ACTR5: variants seen among roughly 807,000 people sequenced by gnomAD.
ACTR5 encodes the protein actin related protein 5, also known as actin-related protein 5.
In ACTR5, 43 loss-of-function variants were observed where a neutral mutation model predicts 61.2. The observed-to-expected ratio is 0.70, with a 90% confidence interval of 0.55 to 0.91. The LOEUF (loss-of-function observed/expected upper bound fraction) is 0.91, where lower values mean the gene tolerates loss of function less well. Ranked by LOEUF, ACTR5 falls within the 40% of genes least tolerant of loss-of-function variation. ACTR5 has a pLI of 0.00. For missense variants in ACTR5, 798 were observed against 782.2 expected, an observed-to-expected ratio of 1.02 and a Z score of -0.24; for synonymous variants, 333 against 310.5, an observed-to-expected ratio of 1.07 and a Z score of -0.76.
At chr20:38,752,029 T>C (rs1179424466) in intron 2 of ACTR5, 102 bp from the exon 3 acceptor site, 4 of 1,311,882 alleles carry the variant, frequency 3.0e-6, no homozygotes, top group Non-Finnish European at 4.2e-6. Flanking sequence ...CCTGCTGGTC[T>C]GTTTCTTCTT....
chr20:38,762,450 C>A (rs1393724731), intron 5 of ACTR5, among the ~76,000 whole-genome samples: 1 of 152,254 alleles, frequency 6.6e-6, no homozygotes, highest in Non-Finnish European at 1.5e-5. Flanking sequence ...CAGTCCCCCA[C>A]TGAGACTCAA....
intron 8 of ACTR5, among the ~76,000 whole-genome samples, chr20:38,768,541 G>C (rs1329597577): frequency 6.6e-6 from 1 of 152,200 alleles, no homozygotes; most frequent in Non-Finnish European, 1.5e-5. Context: ...AGCACATTAA[G>C]TGTTGCCAAC....
At chr20:38,771,418 G>A in intron 8 of ACTR5, 141 bp from the exon 9 acceptor site, 3 of 1,068,228 alleles carry the variant, frequency 2.8e-6, no homozygotes, top group Non-Finnish European at 4.0e-6. Flanking sequence ...TGTGGAGCTA[G>A]CCCCGAACTG....
intron 5 of ACTR5, among the ~76,000 whole-genome samples, chr20:38,760,355 C>T (rs547246410): frequency 5.3e-5 from 8 of 152,124 alleles, no homozygotes; most frequent in Non-Finnish European, 1.0e-4. Context: ...TTCAGACATT[C>T]GGAGCCTTCC....
chr20:38,757,504 A>G (rs531349087), intron 5 of ACTR5, among the ~76,000 whole-genome samples: 1 of 152,148 alleles, frequency 6.6e-6, no homozygotes, highest in African/African-American at 2.4e-5. Context: ...TTTTTAAATC[A>G]GCTTTCATTA....
chr20:38,750,803 T>C (rs1452956496), intron 2 of ACTR5, among the ~76,000 whole-genome samples: 1 of 152,002 alleles, frequency 6.6e-6, no homozygotes, highest in South Asian at 2.1e-4. Context: ...TAATTTTTTT[T>C]ATATTTTTAG....
Position 38,752,761 on chromosome 20 carries a change from A to G in ACTR5, c.775+461A>G, listed in dbSNP as rs567302428. On this transcript the variant is annotated intron_variant, in intron 3 of 8. Coordinates refer to ENST00000243903, the MANE Select transcript of ACTR5 (RefSeq NM_024855.4). ...ATTGTCACATGAATGTGATGAAAATATCTTCCTCGTGAATTTAAATAGTTC... is the reference window on the plus strand; with the variant it reads ...ATTGTCACATGAATGTGATGAAAATGTCTTCCTCGTGAATTTAAATAGTTC... 2.0e-5 allele frequency among the ~76,000 whole-genome samples: 3 copies of G among 152,372 alleles called. No homozygotes were observed. In the East Asian group the frequency reaches 5.8e-4, roughly 29 times the overall value.
Position 38,771,575 on chromosome 20 carries a change from A to G in ACTR5, c.1583A>G (p.Asn528Ser), listed in dbSNP as rs555170983. The change falls in exon 9 of 9, where the codon AAC (asparagine) becomes AGC (serine). Residue 528 changes from asparagine to serine, a missense_variant. Transcript: ENST00000243903. ...GTGTTTCAGGTTCAACTTGCCTCGA[A>G]CCCTGTGCTGGATGCCTGGTACGGT... ...RSSFQVQLAS[N>S]PVLDAWYGAR... is the part of the protein sequence containing the mutation. 6.2e-7 allele frequency: 1 copy of G among 1,613,536 alleles called. No homozygotes were observed. The highest frequency in any genetic ancestry group is 8.5e-7 in the Non-Finnish European group (1 of 1,179,634).
At chr20:38,765,168 G>A (rs937851736) in intron 5 of ACTR5, among the ~76,000 whole-genome samples, 1 of 152,216 alleles carries the variant, frequency 6.6e-6, no homozygotes, top group Non-Finnish European at 1.5e-5. Flanking sequence ...GCGGGGGTTG[G>A]TGAGGCTTGT....
chr20:38,762,003 A>G (rs772335301), intron 5 of ACTR5, among the ~76,000 whole-genome samples: 1 of 152,212 alleles, frequency 6.6e-6, no homozygotes, highest in South Asian at 2.1e-4. Context: ...TTCTATTGCT[A>G]CAAAAACCAT....
chr20:38,763,162 A>C (rs1297926456), intron 5 of ACTR5, among the ~76,000 whole-genome samples: 2 of 152,138 alleles, frequency 1.3e-5, no homozygotes, highest in African/African-American at 4.8e-5. Context: ...ACCTTCTGTT[A>C]TGTCACACTG....
chr20:38,771,844 C>CA lies in ACTR5; in HGVS notation c.*29dup, dbSNP rs771752434. On this transcript the variant is annotated 3_prime_UTR_variant, in exon 9 of 9. Coordinates refer to ENST00000243903, the MANE Select transcript of ACTR5 (RefSeq NM_024855.4). ...GAGGCCCTCCAGAGAGACTGCCCTGCACGCCATGCCTTGGGCCACGTTGGC... is the reference window on the plus strand; with the variant it reads ...GAGGCCCTCCAGAGAGACTGCCCTGCAACGCCATGCCTTGGGCCACGTTGGC... The CA allele has an allele frequency of 1.9e-6, 3 of 1,593,834 alleles. No homozygotes were observed. Among genetic ancestry groups the CA allele is most frequent in the Non-Finnish European group, 2.6e-6 (3 of 1,172,466 alleles).
chr20:38,760,242 T>C (rs1469326161), intron 5 of ACTR5, among the ~76,000 whole-genome samples: 1 of 151,890 alleles, frequency 6.6e-6, no homozygotes, highest in Non-Finnish European at 1.5e-5. Context: ...GAACCACACA[T>C]GCAGGCATAT....
chr20:38,756,454 T>A (rs1649137282), intron 5 of ACTR5, among the ~76,000 whole-genome samples: 1 of 152,238 alleles, frequency 6.6e-6, no homozygotes, highest in Non-Finnish European at 1.5e-5. Context: ...CATACATGAT[T>A]TATGAATTTT....
chr20:38,760,370 A>T (rs2084446348), intron 5 of ACTR5, among the ~76,000 whole-genome samples: 3 of 152,058 alleles, frequency 2.0e-5, no homozygotes. Context: ...CCTTCCAGGG[A>T]TGTTGAGCAA....
intron 5 of ACTR5, among the ~76,000 whole-genome samples, chr20:38,758,803 G>T (rs1445271426): frequency 6.6e-6 from 1 of 152,170 alleles, no homozygotes; most frequent in African/African-American, 2.4e-5. Flanking sequence ...CATTCAAAAA[G>T]TATTTGTAGA....
At chr20:38,764,343 TC>T (rs1170100684) in intron 5 of ACTR5, among the ~76,000 whole-genome samples, 2 of 152,224 alleles carry the variant, frequency 1.3e-5, no homozygotes, top group Admixed American at 6.5e-5. Context: ...GTTACAGCAT[TC>T]TTCCTTGGGA....
In ACTR5 at chr20:38,771,855, T is replaced by G. The variant is rs1487231580; in HGVS notation, c.*39T>G. The G allele has an allele frequency of 5.1e-6, 8 of 1,573,666 alleles. No individual in the cohort carries two copies. Among genetic ancestry groups the G allele is most frequent in the African/African-American group, 2.7e-5 (2 of 74,258 alleles). On this transcript the variant is annotated 3_prime_UTR_variant, in exon 9 of 9. Transcript: ENST00000243903. ...GAGAGACTGCCCTGCACGCCATGCC[T>G]TGGGCCACGTTGGCAGTGTGACAGG... is the stretch of plus-strand genomic sequence containing the variant.
Position 38,766,355 on chromosome 20 carries a change from A to G in ACTR5, c.1411A>G (p.Thr471Ala), listed in dbSNP as rs767100287. ...AGAAGAACAGGCTGGGATTGCAGAG[A>G]CTCTTCAGTACATTCTGGACAGGTG... ...IGEEQAGIAETLQYILDRYPK... is the reference protein window; with the variant it reads ...IGEEQAGIAEALQYILDRYPK... Residue 471 changes from threonine (T) to alanine (A), a missense_variant, in exon 7 of 9, where the codon ACT (threonine) becomes GCT (alanine). Thr to Ala is a moderately conservative substitution (Grantham distance 58, BLOSUM62 0). Coordinates refer to ENST00000243903, the MANE Select transcript of ACTR5 (RefSeq NM_024855.4). The G allele has an allele frequency of 1.2e-5, 20 of 1,608,636 alleles. No individual in the cohort carries two copies. The South Asian group carries it at 2.2e-4, about 18-fold the overall frequency.
Sources: gnomAD v4.1 joint callset for allele counts (sites outside exome capture counted in the v4.1 genomes callset) on GRCh38, gnomAD v4.1.1 for gene constraint, MANE v1.5 for transcripts, NCBI Gene and HGNC (gene_info 2026-07-23, HGNC 2026-07-21) for gene names.